BTBD9: variants seen among roughly 807,000 people sequenced by gnomAD.
The protein encoded by BTBD9 is BTB domain containing 9.
Under a neutral mutation model 64.3 loss-of-function variants are expected in BTBD9, and 49 were observed. The observed-to-expected ratio is 0.76, with a 90% confidence interval of 0.61 to 0.97. The LOEUF is 0.97. BTBD9 is among the 50% of genes least tolerant of loss of function. BTBD9 has a pLI of 0.00. For missense variants in BTBD9, 598 were observed against 762.1 expected (o/e 0.78, Z 2.53); for synonymous variants, 260 against 274.7 (o/e 0.95, Z 0.53).
chr6:38,310,714 GA>G (rs1762796065), intron 7 of BTBD9, among the ~76,000 whole-genome samples: 1 of 152,046 alleles, frequency 6.6e-6, no homozygotes, highest in South Asian at 2.1e-4. Context: ...CGGGGTATAC[GA>G]AATATTTTGG....
intron 6 of BTBD9, among the ~76,000 whole-genome samples, chr6:38,544,530 G>A (rs1023634482): frequency 5.3e-5 from 8 of 152,054 alleles, no homozygotes; most frequent in African/African-American, 1.2e-4. Flanking sequence ...GGAAGGAGGT[G>A]AGAAATGAAG....
intron 6 of BTBD9, among the ~76,000 whole-genome samples, chr6:38,449,948 TA>T (rs951821336): frequency 6.6e-6 from 1 of 152,044 alleles, no homozygotes; most frequent in Admixed American, 6.6e-5. Context: ...TACATAAAAC[TA>T]AAAAGCTCCT....
chr6:38,450,765 C>T (rs888831654), intron 6 of BTBD9, among the ~76,000 whole-genome samples: 4 of 152,102 alleles, frequency 2.6e-5, no homozygotes, highest in South Asian at 2.1e-4. Context: ...GAAAATAATG[C>T]AAGTTCCTGA....
intron 6 of BTBD9, among the ~76,000 whole-genome samples, chr6:38,455,551 T>G (rs149660353): frequency 6.6e-6 from 1 of 152,346 alleles, no homozygotes; most frequent in African/African-American, 2.4e-5. Context: ...TCACTTAGCA[T>G]AAAACATCTG....
intron 6 of BTBD9, among the ~76,000 whole-genome samples, chr6:38,500,798 CA>C (rs1772161018): frequency 2.6e-5 from 4 of 152,322 alleles, no homozygotes; most frequent in African/African-American, 9.6e-5. Context: ...ACAAATCCAT[CA>C]CTCAATGTCT....
chr6:38,499,533 T>C (rs1159168234), intron 6 of BTBD9, among the ~76,000 whole-genome samples: 1 of 152,228 alleles, frequency 6.6e-6, no homozygotes, highest in South Asian at 2.1e-4. Flanking sequence ...TCTGTTTAAA[T>C]TGCTTATTTA....
intron 8 of BTBD9, among the ~76,000 whole-genome samples, chr6:38,287,482 G>A (rs960967646): frequency 5.3e-5 from 8 of 151,880 alleles, no homozygotes; most frequent in South Asian, 4.2e-4. Flanking sequence ...TTTCTTGTAC[G>A]TTTTCTATGT....
intron 6 of BTBD9, among the ~76,000 whole-genome samples, chr6:38,397,090 C>T (rs11965367): frequency 0.017 from 2,589 of 151,740 alleles, 81 homozygotes; most frequent in African/African-American, 0.059. Flanking sequence ...TTAGTAGAGA[C>T]GGGGTTTGGC....
At chr6:38,557,201 C>T (rs1421168120) in intron 6 of BTBD9, among the ~76,000 whole-genome samples, 1 of 151,772 alleles carries the variant, frequency 6.6e-6, no homozygotes, top group Non-Finnish European at 1.5e-5. Flanking sequence ...CAATAATTAG[C>T]TGGCAGTGGT....
chr6:38,562,800 A>G (rs1775314546), intron 6 of BTBD9, among the ~76,000 whole-genome samples: 1 of 152,208 alleles, frequency 6.6e-6, no homozygotes, highest in Non-Finnish European at 1.5e-5. Flanking sequence ...ACATGCTTAC[A>G]TACCTATTTT....
chr6:38,364,176 G>A (rs1039684408), intron 6 of BTBD9, among the ~76,000 whole-genome samples: 2 of 152,132 alleles, frequency 1.3e-5, no homozygotes, highest in African/African-American at 4.8e-5. Flanking sequence ...ACATTTGGAG[G>A]ACACTGTGTT....
intron 6 of BTBD9, among the ~76,000 whole-genome samples, chr6:38,499,453 C>A (rs907719827): frequency 6.6e-6 from 1 of 152,148 alleles, no homozygotes; most frequent in Non-Finnish European, 1.5e-5. Flanking sequence ...AATTGTCAAG[C>A]ATTTAATGTA....
At chr6:38,550,309 CTTTTTCT>C (rs1257530536) in intron 6 of BTBD9, among the ~76,000 whole-genome samples, 1 of 136,408 alleles carries the variant, frequency 7.3e-6, no homozygotes, top group African/African-American at 2.8e-5. Context: ...ATTTCTTTTT[CTTTTTCT>C]TTTTTCTTTT....
chr6:38,470,435 G>C (rs1770599655), intron 6 of BTBD9, among the ~76,000 whole-genome samples: 1 of 152,210 alleles, frequency 6.6e-6, no homozygotes, highest in Non-Finnish European at 1.5e-5. Context: ...ATAGGTTGAA[G>C]ACGGACTGGA....
At chr6:38,227,498 TC>T (rs1763438341) in intron 9 of BTBD9, among the ~76,000 whole-genome samples, 1 of 152,142 alleles carries the variant, frequency 6.6e-6, no homozygotes, top group Admixed American at 6.5e-5. Flanking sequence ...TCAGTTACTG[TC>T]CCTATCCCTT....
intron 6 of BTBD9, among the ~76,000 whole-genome samples, chr6:38,419,986 A>G (rs1487920177): frequency 6.6e-6 from 1 of 152,220 alleles, no homozygotes; most frequent in East Asian, 1.9e-4. Context: ...AATAAATGAT[A>G]CTAGACCTGA....
chr6:38,406,018 C>G (rs1362581911), intron 6 of BTBD9, among the ~76,000 whole-genome samples: 1 of 152,190 alleles, frequency 6.6e-6, no homozygotes, highest in East Asian at 1.9e-4. Context: ...GCTATGACGT[C>G]AGCAGAGACA....
chr6:38,587,875 T>C, intron 4 of BTBD9: 1 of 722,832 alleles, frequency 1.4e-6, no homozygotes, highest in Non-Finnish European at 2.6e-6. Flanking sequence ...AAAATAATGT[T>C]ACGTCGGCAT....
chr6:38,343,838 A>G (rs935442433), intron 7 of BTBD9, among the ~76,000 whole-genome samples: 4 of 152,178 alleles, frequency 2.6e-5, no homozygotes, highest in Admixed American at 6.5e-5. Context: ...CCAAATCTCT[A>G]TAAGTAAAGG....
Sources: allele counts gnomAD v4.1 joint callset (sites outside exome capture counted in the v4.1 genomes callset), GRCh38; gene constraint gnomAD v4.1.1; transcripts MANE v1.5; gene names NCBI Gene and HGNC (gene_info 2026-07-23, HGNC 2026-07-21).